EYS: variants seen among roughly 807,000 people sequenced by gnomAD.
EYS encodes the protein EGF-like photoreceptor maintenance factor, also known as protein eyes shut homolog.
In EYS, 250 loss-of-function variants were observed where a neutral mutation model predicts 282.1. That is an observed-to-expected ratio of 0.89 (90% CI 0.80 to 0.98). The LOEUF (loss-of-function observed/expected upper bound fraction) is 0.98, where lower values mean the gene tolerates loss of function less well. Among genes scored for constraint, EYS ranks in the 50% least tolerant of loss-of-function variants. The pLI is 0.00. For missense variants in EYS, 4,016 were observed against 3,709.0 expected, an observed-to-expected ratio of 1.08 and a Z score of -2.15; for synonymous variants, 1,355 against 1,282.9, an observed-to-expected ratio of 1.06 and a Z score of -1.20.
At chr6:65,459,460 T>G (rs565524920) in intron 5 of EYS, among the ~76,000 whole-genome samples, 6 of 152,120 alleles carry the variant, frequency 3.9e-5, no homozygotes, top group Non-Finnish European at 8.8e-5. Context: ...GAACCTACTA[T>G]AACTTTCAAA....
At chr6:65,121,305 T>C (rs1056618691) in intron 12 of EYS, among the ~76,000 whole-genome samples, 8 of 152,152 alleles carry the variant, frequency 5.3e-5, no homozygotes, top group African/African-American at 1.4e-4. Flanking sequence ...ATGAAACTTA[T>C]ACAGTTGAAA....
chr6:64,141,439 G>A (rs1774334498), intron 31 of EYS, among the ~76,000 whole-genome samples: 1 of 152,152 alleles, frequency 6.6e-6, no homozygotes, highest in South Asian at 2.1e-4. Flanking sequence ...TTTTAATACT[G>A]CAGATGATTG....
chr6:64,864,385 C>CTTTTGTTGTTTTTTTTTTTTTTTTT (rs1766349123), intron 19 of EYS, among the ~76,000 whole-genome samples: 1 of 57,166 alleles, frequency 1.7e-5, no homozygotes, highest in African/African-American at 5.9e-5. Flanking sequence ...GCTATACCTT[C>CTTTTGTTGTTTTTTTTTTTTTTTTT]TTTTTTTTTT....
At chr6:64,053,404 T>G (rs28517342) in intron 33 of EYS, among the ~76,000 whole-genome samples, 32,399 of 152,066 alleles carry the variant, frequency 0.21, 3,736 homozygotes, top group Middle Eastern at 0.33. Flanking sequence ...TTCTTAAGGT[T>G]TTCATGAAAT....
chr6:64,385,936 G>T (rs1772893972), intron 29 of EYS, among the ~76,000 whole-genome samples: 1 of 151,970 alleles, frequency 6.6e-6, no homozygotes, highest in Non-Finnish European at 1.5e-5. Flanking sequence ...AACTAATTTG[G>T]CATGTACCTC....
At chr6:64,755,115 A>G (rs1165062150) in intron 22 of EYS, among the ~76,000 whole-genome samples, 1 of 152,162 alleles carries the variant, frequency 6.6e-6, no homozygotes, top group Non-Finnish European at 1.5e-5. Context: ...AAATCAACAT[A>G]CAAAAGTCAG....
At chr6:65,540,759 A>G (rs1003577241) in intron 2 of EYS, among the ~76,000 whole-genome samples, 2 of 152,082 alleles carry the variant, frequency 1.3e-5, no homozygotes, top group African/African-American at 2.4e-5. Flanking sequence ...TCTCTACTAA[A>G]AATACAAAAA....
At chr6:65,473,713 T>C (rs954310891) in intron 5 of EYS, among the ~76,000 whole-genome samples, 3 of 152,012 alleles carry the variant, frequency 2.0e-5, no homozygotes, top group Admixed American at 1.3e-4. Flanking sequence ...CAAAGTTAAA[T>C]GTTTTGGACA....
chr6:65,571,188 G>A (rs1174012944), intron 2 of EYS, among the ~76,000 whole-genome samples: 1 of 152,004 alleles, frequency 6.6e-6, no homozygotes, highest in Admixed American at 6.6e-5. Context: ...TACATACATG[G>A]GAGAAAAGAC....
At position 65,370,647 on chromosome 6, in the gene EYS, T is replaced by G. The variant is rs139284306; in HGVS notation, c.1299+13739A>C. On this transcript the variant is annotated intron_variant, in intron 8 of 42. Coordinates refer to ENST00000503581, the MANE Select transcript of EYS (RefSeq NM_001142800.2). ...TTTCCCACCTTGCAACAAATGCATC[T>G]TTTCCCATGTTCTATGTATTGCTAT... Among the ~76,000 whole-genome samples the G allele has an allele frequency of 4.6e-3, 697 of 151,918 alleles. 10 individuals carry two copies. The highest frequency in any genetic ancestry group is 0.016 in the African/African-American group (653 of 41,542).
At chr6:64,466,053 C>G (rs1302360055) in intron 26 of EYS, among the ~76,000 whole-genome samples, 1 of 152,008 alleles carries the variant, frequency 6.6e-6, no homozygotes, top group Non-Finnish European at 1.5e-5. Context: ...CAATGAAATA[C>G]TACCTCATGC....
rs116487765 is a variant in EYS, at chr6:64,903,294, T to C, written c.2642-794A>G. Among the ~76,000 whole-genome samples the C allele has an allele frequency of 5.5e-3, 843 of 152,308 alleles. 2 individuals carry two copies. The highest frequency in any genetic ancestry group is 0.019 in the African/African-American group (797 of 41,578). ...TCCCTTTATTTTGCTTTTTCAGTGA[T>C]ATTACCAAGCACTAAATAAGTGCAG... On this transcript the variant is annotated intron_variant, in intron 16 of 42. Transcript: ENST00000503581.
rs139760850 is a variant in EYS at position 64,919,795 on chromosome 6, C to T, written c.2382-7052G>A. Among the ~76,000 whole-genome samples the T allele has an allele frequency of 8.5e-4, 129 of 152,132 alleles. 3 individuals carry two copies. In the East Asian group the frequency reaches 0.018, roughly 21 times the overall value. ...TTTCAGAGTTATTTAATTCAAGCTG[C>T]TTTGTAGGTCAGTATTTCTAAAAAA... On this transcript the variant is annotated intron_variant, in intron 15 of 42. Coordinates refer to ENST00000503581, the MANE Select transcript of EYS (RefSeq NM_001142800.2).
chr6:64,324,869 C>T (rs1770352760), intron 29 of EYS, among the ~76,000 whole-genome samples: 2 of 151,916 alleles, frequency 1.3e-5, no homozygotes, highest in Admixed American at 6.6e-5. Context: ...TTTACAGTAA[C>T]CACAAAGAAA....
intron 29 of EYS, among the ~76,000 whole-genome samples, chr6:64,331,328 G>A (rs954973742): frequency 6.6e-6 from 1 of 152,160 alleles, no homozygotes; most frequent in African/African-American, 2.4e-5. Context: ...TCCAAAAGAA[G>A]TAGCAGTCAT....
At chr6:64,864,478 C>A (rs1207572734) in intron 19 of EYS, among the ~76,000 whole-genome samples, 2 of 146,886 alleles carry the variant, frequency 1.4e-5, no homozygotes, top group Non-Finnish European at 3.0e-5. Context: ...CTCCAACTCC[C>A]TGGTTCAAGT....
chr6:64,414,173 A>T lies in EYS; in HGVS notation c.5927+22001T>A, dbSNP rs1042790748. Among the ~76,000 whole-genome samples, 8 of 152,298 alleles carry T rather than the reference A, an allele frequency of 5.3e-5. No individual in the cohort carries two copies. The East Asian group carries it at 1.3e-3, about 26-fold the overall frequency. On this transcript the variant is annotated intron_variant, in intron 28 of 42. Transcript: ENST00000503581. ...TGAAATTTCAGGAGACTAAAAATAG[A>T]GAAGAAACCTTAAAAGTTTCCTGAG...
chr6:64,460,289 A>G (rs1049935486), intron 26 of EYS, among the ~76,000 whole-genome samples: 3 of 152,234 alleles, frequency 2.0e-5, no homozygotes, highest in Non-Finnish European at 2.9e-5. Context: ...ATGATTATCC[A>G]TAATACATTT....
In EYS at chr6:63,744,629, G is replaced by A. The variant is rs143060160; in HGVS notation, c.8071+17832C>T. ...GTCACCCATGTTGGAGTGCAGTGGC[G>A]CAATCTTGGCTCACTGCAACCTCTG... On this transcript the variant is annotated intron_variant, in intron 41 of 42. Coordinates refer to ENST00000503581, the MANE Select transcript of EYS (RefSeq NM_001142800.2). 3.7e-3 allele frequency: 563 copies of A among 152,462 alleles called. 2 individuals carry two copies. The highest frequency in any genetic ancestry group is 6.7e-3 in the Middle Eastern group (2 of 300). 9.4% of individuals were successfully genotyped at this position (152,462 alleles called of 1,614,324 possible).
Sources: gnomAD v4.1 joint callset for allele counts (sites outside exome capture counted in the v4.1 genomes callset) on GRCh38, gnomAD v4.1.1 for gene constraint, MANE v1.5 for transcripts, NCBI Gene and HGNC (gene_info 2026-07-23, HGNC 2026-07-21) for gene names.